Variants in JARID2 observed in about 807,000 individuals in gnomAD.
JARID2 encodes jumonji and AT-rich interaction domain containing 2.
JARID2 carries 21 observed loss-of-function variants against 125.6 expected under a neutral mutation model. The ratio of observed to expected loss-of-function variants is 0.17; its 90% CI spans 0.12 to 0.24. The LOEUF is 0.24. Ranked by LOEUF, JARID2 falls within the 10% of genes least tolerant of loss-of-function variation. The pLI is 1.00. For missense variants in JARID2, 1,303 were observed against 1,639.6 expected (o/e 0.79, Z 3.55); for synonymous variants, 736 against 661.6 (o/e 1.11, Z -1.73).
At chr6:15,248,083 G>T (rs748676872) in intron 1 of JARID2, 29 of 985,260 alleles carry the variant, frequency 2.9e-5, no homozygotes, top group Non-Finnish European at 3.1e-5. Flanking sequence ...CTTATTGCGG[G>T]CGTTCAGCGG....
chr6:15,394,652 A>AG (rs1173006210), intron 2 of JARID2, among the ~76,000 whole-genome samples: 2 of 152,190 alleles, frequency 1.3e-5, no homozygotes, highest in Non-Finnish European at 2.9e-5. Flanking sequence ...GAAACCTGAC[A>AG]GTTTGGTAAA....
chr6:15,428,842 G>A (rs112501552), intron 3 of JARID2, among the ~76,000 whole-genome samples: 4,662 of 150,996 alleles, frequency 0.031, 239 homozygotes, highest in African/African-American at 0.11. Flanking sequence ...GGAGGTAGAG[G>A]CCGCAGTGAG....
At chr6:15,366,323 T>A (rs1253914371) in intron 1 of JARID2, among the ~76,000 whole-genome samples, 1 of 152,106 alleles carries the variant, frequency 6.6e-6, no homozygotes, top group Non-Finnish European at 1.5e-5. Context: ...TTAGAATGTT[T>A]TTTTTCATTT....
intron 1 of JARID2, among the ~76,000 whole-genome samples, chr6:15,370,481 GCGCC>G: frequency 6.6e-6 from 1 of 152,042 alleles, no homozygotes; most frequent in Admixed American, 6.5e-5. Context: ...GGTACTACAG[GCGCC>G]CGCCACCACG....
At chr6:15,375,872 A>G (rs1764333357) in intron 2 of JARID2, among the ~76,000 whole-genome samples, 1 of 152,184 alleles carries the variant, frequency 6.6e-6, no homozygotes, top group African/African-American at 2.4e-5. Flanking sequence ...GTTTCTTGGC[A>G]TTGCCAACAG....
At chr6:15,390,222 C>T (rs938279116) in intron 2 of JARID2, among the ~76,000 whole-genome samples, 4 of 152,122 alleles carry the variant, frequency 2.6e-5, no homozygotes, top group Admixed American at 6.5e-5. Flanking sequence ...AATGTGAGTG[C>T]GCCATGGAGC....
At chr6:15,317,284 G>GT (rs1179081515) in intron 1 of JARID2, among the ~76,000 whole-genome samples, 2 of 152,092 alleles carry the variant, frequency 1.3e-5, no homozygotes, top group Non-Finnish European at 2.9e-5. Flanking sequence ...TAACATGTCA[G>GT]TTTTTTCTGT....
chr6:15,422,904 G>A (rs1458588012), intron 3 of JARID2, among the ~76,000 whole-genome samples: 5 of 151,540 alleles, frequency 3.3e-5, no homozygotes, highest in Admixed American at 6.6e-5. Flanking sequence ...CATTAATGAC[G>A]CCTGTTGTTG....
chr6:15,445,392 A>G (rs1767630800), intron 3 of JARID2, among the ~76,000 whole-genome samples: 2 of 152,214 alleles, frequency 1.3e-5, no homozygotes, highest in South Asian at 4.1e-4. Context: ...TAAAGGTGCT[A>G]TATATTTTAT....
At chr6:15,300,743 G>C (rs1481505905) in intron 1 of JARID2, among the ~76,000 whole-genome samples, 3 of 149,928 alleles carry the variant, frequency 2.0e-5, no homozygotes, top group Non-Finnish European at 3.0e-5. Context: ...GAGAGAGAGA[G>C]AGAGAGACAG....
intron 3 of JARID2, among the ~76,000 whole-genome samples, chr6:15,420,510 T>C (rs1033867740): frequency 2.0e-5 from 3 of 152,204 alleles, no homozygotes; most frequent in Non-Finnish European, 2.9e-5. Flanking sequence ...TTACAAGAGA[T>C]ATTTGAGTAT....
intron 1 of JARID2, among the ~76,000 whole-genome samples, chr6:15,263,632 G>A (rs1759971328): frequency 1.4e-5 from 2 of 139,078 alleles, no homozygotes; most frequent in African/African-American, 2.7e-5. Context: ...TCACTTTGTC[G>A]CCCAGGCTGG....
Position 15,349,208 on chromosome 6 carries a change from G to T in JARID2, c.46-24909G>T, listed in dbSNP as rs1362727718. ...AGATAGGTCCTGGTTAGTTTTGAAG[G>T]ACCTAATTGCTATATTAGGTTTTAT... On this transcript the variant is annotated intron_variant, in intron 1 of 17. Coordinates refer to ENST00000341776, the MANE Select transcript of JARID2 (RefSeq NM_004973.4). Among the ~76,000 whole-genome samples the T allele has an allele frequency of 4.6e-5, 7 of 152,288 alleles. No homozygotes were observed. In the South Asian group the frequency reaches 1.2e-3, roughly 27 times the overall value.
intron 1 of JARID2, among the ~76,000 whole-genome samples, chr6:15,284,874 G>A (rs1349413401): frequency 6.6e-6 from 1 of 152,084 alleles, no homozygotes; most frequent in Non-Finnish European, 1.5e-5. Flanking sequence ...TTGAAAGGCA[G>A]CAAACATAAA....
chr6:15,370,647 G>A (rs773908065), intron 1 of JARID2, among the ~76,000 whole-genome samples: 2 of 152,038 alleles, frequency 1.3e-5, no homozygotes, highest in Non-Finnish European at 2.9e-5. Flanking sequence ...GGCCATATCT[G>A]GGCTGTTTTT....
chr6:15,450,199 C>T (rs545275193), intron 3 of JARID2, among the ~76,000 whole-genome samples: 25 of 152,132 alleles, frequency 1.6e-4, no homozygotes, highest in South Asian at 4.2e-4. Flanking sequence ...GACGGAGTTT[C>T]GCTCTTGTTG....
In JARID2 at chr6:15,395,652, G is replaced by A. The variant is rs527782932; in HGVS notation, c.182-14572G>A. Among the ~76,000 whole-genome samples the A allele has an allele frequency of 2.3e-4, 35 of 151,932 alleles. 1 individual carries two copies. The South Asian group carries it at 7.1e-3, about 31-fold the overall frequency. Reference sequence around the variant, plus strand: ...TGACCTCAGGTAATCTGCCCACATCGGCCTCCCAAAGTGCTGTGATTACAG... The same window carrying A: ...TGACCTCAGGTAATCTGCCCACATCAGCCTCCCAAAGTGCTGTGATTACAG... On this transcript the variant is annotated intron_variant, in intron 2 of 17. Coordinates refer to ENST00000341776, the MANE Select transcript of JARID2 (RefSeq NM_004973.4).
At chr6:15,385,109 G>A (rs1260315181) in intron 2 of JARID2, among the ~76,000 whole-genome samples, 1 of 152,212 alleles carries the variant, frequency 6.6e-6, no homozygotes, top group African/African-American at 2.4e-5. Context: ...TAATGTGAAA[G>A]CGAAATATCC....
intron 1 of JARID2, among the ~76,000 whole-genome samples, chr6:15,327,472 G>A (rs1223411493): frequency 6.6e-6 from 1 of 152,130 alleles, no homozygotes; most frequent in Non-Finnish European, 1.5e-5. Context: ...GGCATCTAGG[G>A]CAGGTATAAA....
Sources: allele counts gnomAD v4.1 joint callset (sites outside exome capture counted in the v4.1 genomes callset), GRCh38; gene constraint gnomAD v4.1.1; transcripts MANE v1.5; gene names NCBI Gene and HGNC (gene_info 2026-07-23, HGNC 2026-07-21).